The following GNB3 variants were observed in gnomAD, a reference collection of about 807,000 sequenced individuals.
The protein encoded by GNB3 is guanine nucleotide-binding protein G(I)/G(S)/G(T) subunit beta-3.
A neutral mutation model predicts 41.2 loss-of-function variants in GNB3; 33 were observed. That is an observed-to-expected ratio of 0.80 (90% confidence interval 0.61 to 1.07). The LOEUF (loss-of-function observed/expected upper bound fraction) is 1.07. Ranked by LOEUF, GNB3 falls within the 50% of genes least tolerant of loss-of-function variation. The pLI, the probability that GNB3 is intolerant of heterozygous loss-of-function variation, is 0.00. For synonymous variants in GNB3, 172 were observed against 173.4 expected (o/e 0.99, Z 0.06); for missense variants, 409 against 455.3 (o/e 0.90, Z 0.92).
chr12:6,841,690 A>G (rs982108818), intron 3 of GNB3, 66 bp downstream of exon 3: 1 of 1,171,608 alleles, frequency 8.5e-7, no homozygotes, highest in East Asian at 2.4e-5. Flanking sequence ...CCGACCCGCA[A>G]TAGCGCGTTG....
chr12:6,846,988 T>C lies in GNB3; in HGVS notation c.*90T>C. ...CTCATTCAGGTGTTCTCTTCTATATTCCGGGTGCCATTCCCACTAAGCTTT... is the reference window on the plus strand; with the variant it reads ...CTCATTCAGGTGTTCTCTTCTATATCCCGGGTGCCATTCCCACTAAGCTTT... On this transcript the variant is annotated 3_prime_UTR_variant, in exon 10 of 10. Coordinates refer to ENST00000229264, the MANE Select transcript of GNB3 (RefSeq NM_002075.4). The C allele has an allele frequency of 1.3e-6, 1 of 747,724 alleles. No homozygotes were observed. Among genetic ancestry groups the C allele is most frequent in the Non-Finnish European group, 2.3e-6 (1 of 430,814 alleles). 46.3% of individuals were successfully genotyped at this position (747,724 alleles called of 1,614,324 possible).
In GNB3 at chr12:6,845,627, C is replaced by T. The variant is rs13306410; in HGVS notation, c.741C>T (p.Asp247=). The T allele has an allele frequency of 2.2e-4, 351 of 1,613,408 alleles. No individual in the cohort carries two copies. The East Asian group carries it at 4.5e-3, about 21-fold the overall frequency. ...AGGCCATCTGCACGGGCTCGGATGA[C>T]GCTTCCTGCCGCTTGTTTGACCTGC... ...NGEAICTGSD[D]ASCRLFDLRA... The change falls in exon 9 of 10, where the codon GAC becomes GAT. Residue 247 remains aspartate, a synonymous_variant. Coordinates refer to ENST00000229264, the MANE Select transcript of GNB3 (RefSeq NM_002075.4).
intron 3 of GNB3, among the ~76,000 whole-genome samples, chr12:6,842,473 A>G (rs1262244363): frequency 1.3e-5 from 2 of 152,216 alleles, no homozygotes; most frequent in Non-Finnish European, 2.9e-5. Flanking sequence ...CCCCCAGCCT[A>G]AGTCTAAAAT....
In GNB3 at chr12:6,846,914, G is replaced by A. The variant is rs1555124879; in HGVS notation, c.*16G>A. 12 of 1,426,334 alleles carry A rather than the reference G, an allele frequency of 8.4e-6. No homozygotes were observed. Among genetic ancestry groups the A allele is most frequent in the Admixed American group, 1.9e-5 (1 of 52,016 alleles). 88.4% of individuals were successfully genotyped at this position (1,426,334 alleles called of 1,614,324 possible). A position where few individuals can be genotyped will look rare whatever the true frequency, so the allele number is the denominator to read the frequency against. ...CTGGAACTGAGGAGGCTGGAGAAAG[G>A]GAAGTGGAAGGCAGTGAACACACTC... On this transcript the variant is annotated 3_prime_UTR_variant, in exon 10 of 10. Transcript: ENST00000229264.
At chr12:6,842,364 C>G (rs950782311) in intron 3 of GNB3, among the ~76,000 whole-genome samples, 2 of 152,094 alleles carry the variant, frequency 1.3e-5, no homozygotes, top group African/African-American at 4.8e-5. Flanking sequence ...GCCTGGGCAA[C>G]ATAGTGAGAT....
At position 6,845,688 on chromosome 12, in the gene GNB3, AGCATCATCTGCG is replaced by A; in HGVS notation, c.809_820del (p.Ile270_Ile273del). 1 of 1,613,984 alleles carries A rather than the reference AGCATCATCTGCG, an allele frequency of 6.2e-7. No homozygotes were observed. Among genetic ancestry groups the A allele is most frequent in the Non-Finnish European group, 8.5e-7 (1 of 1,179,970 alleles). ...GGAGCTGATCTGCTTCTCCCACGAG[AGCATCATCTGCG>A]GCATCACGTCCGTGGCCTTCTCCCT... On this transcript the variant is annotated inframe_deletion, in exon 9 of 10. Coordinates refer to ENST00000229264, the MANE Select transcript of GNB3 (RefSeq NM_002075.4).
intron 3 of GNB3, 115 bp from the exon 4 acceptor site, chr12:6,842,854 TG>T: frequency 3.1e-6 from 2 of 636,104 alleles, no homozygotes; most frequent in Non-Finnish European, 5.5e-6. Flanking sequence ...TCTCTAAGGC[TG>T]GGGGCCTGAC....
rs1416409174 is a variant in GNB3, at chr12:6,840,946, G to A, written c.-118G>A. 1.1e-5 allele frequency: 4 copies of A among 352,560 alleles called. No homozygotes were observed. Among genetic ancestry groups the A allele is most frequent in the African/African-American group, 6.6e-5 (3 of 45,766 alleles). 21.8% of individuals were successfully genotyped at this position (352,560 alleles called of 1,614,324 possible). A position where few individuals can be genotyped will look rare whatever the true frequency, so the allele number is the denominator to read the frequency against. The stretch of plus-strand genomic sequence containing the variant: ...TGGCAGCAGAGCCTGGGCAGGTGAC[G>A]GGCGGGCGCGGGCGTCGCAGCTGAG... On this transcript the variant is annotated 5_prime_UTR_variant, in exon 1 of 10. Transcript: ENST00000229264.
At chr12:6,841,700 G>C in intron 3 of GNB3, 76 bp downstream of exon 3, 2 of 1,058,594 alleles carry the variant, frequency 1.9e-6, no homozygotes, top group African/African-American at 1.6e-5. Flanking sequence ...ATAGCGCGTT[G>C]CTCCGAGCAT....
At position 6,840,928 on chromosome 12, in the gene GNB3, A is replaced by G; in HGVS notation, c.-136A>G. 1 of 299,730 alleles carries G rather than the reference A, an allele frequency of 3.3e-6. No individual in the cohort carries two copies. Among genetic ancestry groups the G allele is most frequent in the Non-Finnish European group, 6.3e-6 (1 of 158,164 alleles). The allele number at this position is 299,730 out of a possible 1,614,324, so 18.6% of individuals were successfully genotyped here. A position where few individuals can be genotyped will look rare whatever the true frequency, so the allele number is the denominator to read the frequency against. ...AGGCCAGGCCAGCTCCTCTGGCAGC[A>G]GAGCCTGGGCAGGTGACGGGCGGGC... On this transcript the variant is annotated 5_prime_UTR_variant, in exon 1 of 10. Coordinates refer to ENST00000229264, the MANE Select transcript of GNB3 (RefSeq NM_002075.4).
intron 9 of GNB3, chr12:6,846,591 A>G: frequency 2.1e-6 from 1 of 483,504 alleles, no homozygotes; most frequent in Non-Finnish European, 3.7e-6. Flanking sequence ...CGAGTCTAGG[A>G]TCCCTGCATG....
intron 3 of GNB3, chr12:6,841,962 A>G (rs782791009): frequency 3.9e-5 from 17 of 437,980 alleles, no homozygotes; most frequent in African/African-American, 3.0e-4. Flanking sequence ...TATTTTGTCA[A>G]TTCTAAGATG....
At position 6,843,599 on chromosome 12, in the gene GNB3, C is replaced by A; in HGVS notation, c.431-33C>A. On this transcript the variant is annotated intron_variant, in intron 6 of 9. Transcript: ENST00000229264. This position sits in a 1 kb window ranked among gnomAD's most constrained non-coding sequence, Gnocchi z 5.9. Reference sequence around the variant, plus strand: ...GGGCTTCCAGTGGGCTGTGGCTCTGCAGCCAGGGCACTGTCCTTCTAACCG... The same window carrying A: ...GGGCTTCCAGTGGGCTGTGGCTCTGAAGCCAGGGCACTGTCCTTCTAACCG... The A allele has an allele frequency of 6.2e-7, 1 of 1,612,492 alleles. No homozygotes were observed. The highest frequency in any genetic ancestry group is 8.5e-7 in the Non-Finnish European group (1 of 1,178,512).
rs1943621746 is a variant in GNB3 at position 6,843,724 on chromosome 12, G to A, written c.497+26G>A. 2 of 1,613,380 alleles carry A rather than the reference G, an allele frequency of 1.2e-6. No homozygotes were observed. Among genetic ancestry groups the A allele is most frequent in the South Asian group, 1.1e-5 (1 of 91,064 alleles). The stretch of plus-strand genomic sequence containing the variant: ...GTGAGGCTGAACATTGCTGGTGCTG[G>A]GGCTTGGGAGTGGGCCCGGCCTTTC... On this transcript the variant is annotated intron_variant, in intron 7 of 9. Coordinates refer to ENST00000229264, the MANE Select transcript of GNB3 (RefSeq NM_002075.4). This position sits in a 1 kb window ranked among gnomAD's most constrained non-coding sequence, Gnocchi z 5.9.
intron 2 of GNB3, 45 bp from the exon 3 acceptor site, chr12:6,841,541 A>C (rs782315249): frequency 6.4e-7 from 1 of 1,554,430 alleles, no homozygotes; most frequent in African/African-American, 1.4e-5. Flanking sequence ...TGCACCTGCC[A>C]CCCCCACCTC....
intron 9 of GNB3, 128 bp from the exon 10 acceptor site, chr12:6,846,664 C>G: frequency 1.6e-6 from 1 of 630,458 alleles, no homozygotes; most frequent in Non-Finnish European, 2.9e-6. Context: ...TACACATGCA[C>G]ACATATCCCC....
At chr12:6,846,712 C>T in intron 9 of GNB3, 80 bp from the exon 10 acceptor site, 1 of 763,774 alleles carries the variant, frequency 1.3e-6, no homozygotes, top group South Asian at 1.6e-5. Context: ...CACACACCCA[C>T]ACATACACTT....
rs143381578 is a variant in GNB3 at position 6,845,707 on chromosome 12, C to T, written c.821C>T (p.Thr274Met). 1.3e-5 allele frequency: 21 copies of T among 1,613,950 alleles called. No individual in the cohort carries two copies. Among genetic ancestry groups the T allele is most frequent in the Non-Finnish European group, 1.7e-5 (20 of 1,179,934 alleles). The change falls in exon 9 of 10, where the codon ACG becomes ATG. Residue 274 changes from threonine to methionine, a missense_variant. Transcript: ENST00000229264. ...CACGAGAGCATCATCTGCGGCATCA[C>T]GTCCGTGGCCTTCTCCCTCAGTGGC... ...FSHESIICGITSVAFSLSGRL... is the reference protein window; with the variant it reads ...FSHESIICGIMSVAFSLSGRL...
At chr12:6,844,119 T>TTTTTTAAA in intron 8 of GNB3, 141 bp downstream of exon 8, 1 of 560,200 alleles carries the variant, frequency 1.8e-6, no homozygotes, top group Non-Finnish European at 3.0e-6. Context: ...TTTTTTTTTT[T>TTTTTTAAA]GAGACAGAGT....
Sources: allele counts gnomAD v4.1 joint callset (sites outside exome capture counted in the v4.1 genomes callset), GRCh38; gene constraint gnomAD v4.1.1; non-coding constraint Gnocchi (gnomAD v3.1); transcripts MANE v1.5; gene names NCBI Gene and HGNC (gene_info 2026-07-23, HGNC 2026-07-21).